TMTC2: variants seen among roughly 807,000 people sequenced by gnomAD.
The protein encoded by TMTC2 is transmembrane O-mannosyltransferase targeting cadherins 2.
Under a neutral mutation model 82.4 loss-of-function variants are expected in TMTC2, and 43 were observed. The ratio of observed to expected loss-of-function variants is 0.52; its 90% confidence interval spans 0.41 to 0.67. TMTC2 has a LOEUF of 0.67. TMTC2 is among the 30% of genes least tolerant of loss of function. The pLI, the probability that TMTC2 is intolerant of heterozygous loss-of-function variation, is 0.00. For synonymous variants in TMTC2, 408 were observed against 381.9 expected, an observed-to-expected ratio of 1.07 and a Z score of -0.80; for missense variants, 919 against 1,012.4, an observed-to-expected ratio of 0.91 and a Z score of 1.25.
intron 10 of TMTC2, among the ~76,000 whole-genome samples, chr12:83,051,923 TG>T (rs886371434): frequency 9.2e-5 from 14 of 152,150 alleles, no homozygotes; most frequent in African/African-American, 3.4e-4. Context: ...TAAAGGAGGA[TG>T]TTTTTAACTG....
chr12:82,869,964 T>C (rs1026933186), intron 2 of TMTC2, among the ~76,000 whole-genome samples: 1 of 152,174 alleles, frequency 6.6e-6, no homozygotes, highest in Admixed American at 6.5e-5. Flanking sequence ...CCCAACCAGG[T>C]TGAATGCTTT....
chr12:82,769,295 A>T (rs1321628761), intron 1 of TMTC2, among the ~76,000 whole-genome samples: 2 of 151,932 alleles, frequency 1.3e-5, no homozygotes, highest in East Asian at 3.9e-4. Context: ...CAACATAGTG[A>T]AACCCCTGTC....
intron 3 of TMTC2, among the ~76,000 whole-genome samples, chr12:82,925,022 C>T (rs1012542003): frequency 3.4e-4 from 52 of 152,248 alleles, no homozygotes; most frequent in Admixed American, 2.9e-3. Flanking sequence ...TTCCTGGAAA[C>T]ATCAAGTTCA....
intron 8 of TMTC2, among the ~76,000 whole-genome samples, chr12:83,026,645 A>C (rs1157742155): frequency 2.0e-5 from 3 of 151,726 alleles, no homozygotes; most frequent in African/African-American, 4.8e-5. Context: ...ATAATAGTCT[A>C]ATTATCTCAT....
intron 1 of TMTC2, among the ~76,000 whole-genome samples, chr12:82,709,541 C>T (rs537325459): frequency 6.6e-6 from 1 of 152,156 alleles, no homozygotes; most frequent in South Asian, 2.1e-4. Context: ...AAAAACAAAA[C>T]CCCAAAAACC....
Position 82,966,983 on chromosome 12 carries a change from T to G in TMTC2, c.1934T>G (p.Leu645Trp). Residue 645 changes from leucine (L) to tryptophan (W), a missense_variant, in exon 7 of 12, where the codon TTG becomes TGG. Physicochemically the swap from Leu to Trp is moderately conservative, Grantham distance 61. Transcript: ENST00000321196. ...KMPRQFAPQS[L>W]YNMMGEAYMR... ...CCAAGGCAGTTTGCCCCACAGAGCT[T>G]GTACAACATGATGGGTAAGTAAAAC... 2 of 1,613,002 alleles carry G rather than the reference T, an allele frequency of 1.2e-6. No homozygotes were observed. The highest frequency in any genetic ancestry group is 1.7e-6 in the Non-Finnish European group (2 of 1,179,216).
intron 1 of TMTC2, among the ~76,000 whole-genome samples, chr12:82,772,442 A>AT (rs1877359363): frequency 1.3e-5 from 2 of 152,170 alleles, no homozygotes; most frequent in African/African-American, 4.8e-5. Context: ...AATTAATTAA[A>AT]ATTTTTTTTT....
At chr12:82,925,517 GT>G (rs564128796) in intron 3 of TMTC2, among the ~76,000 whole-genome samples, 100 of 152,262 alleles carry the variant, frequency 6.6e-4, no homozygotes, top group African/African-American at 2.2e-3. Context: ...TATTGCATAT[GT>G]TTTTTTAACA....
chr12:82,849,979 T>G (rs1002457827), intron 1 of TMTC2, among the ~76,000 whole-genome samples: 8 of 152,080 alleles, frequency 5.3e-5, no homozygotes, highest in African/African-American at 4.8e-5. Flanking sequence ...CCATATTGAC[T>G]CCTGCTGCCC....
At chr12:82,763,504 G>A (rs536149561) in intron 1 of TMTC2, among the ~76,000 whole-genome samples, 126 of 152,132 alleles carry the variant, frequency 8.3e-4, no homozygotes, top group Non-Finnish European at 1.0e-3. Flanking sequence ...TTGAGAAAAT[G>A]TTTCATACCC....
At chr12:82,967,207 G>A (rs905071038) in intron 7 of TMTC2, among the ~76,000 whole-genome samples, 5 of 151,888 alleles carry the variant, frequency 3.3e-5, no homozygotes, top group African/African-American at 1.2e-4. Flanking sequence ...CCAACACCTT[G>A]GTCATATCCC....
chr12:82,860,422 C>A (rs78013493), intron 2 of TMTC2, among the ~76,000 whole-genome samples: 4,122 of 152,240 alleles, frequency 0.027, 181 homozygotes, highest in African/African-American at 0.093. Context: ...CTGGTGATAT[C>A]TTTACTACAC....
chr12:82,907,868 C>G (rs1316719341), intron 3 of TMTC2, among the ~76,000 whole-genome samples: 1 of 152,054 alleles, frequency 6.6e-6, no homozygotes, highest in Non-Finnish European at 1.5e-5. Context: ...AATCCCAGCA[C>G]TCTAGGAGGC....
chr12:82,974,945 A>AGAGT (rs1445022582), intron 7 of TMTC2, among the ~76,000 whole-genome samples: 1 of 152,072 alleles, frequency 6.6e-6, no homozygotes, highest in Non-Finnish European at 1.5e-5. Context: ...GGAGAGAGAG[A>AGAGT]GAGTGACCTT....
chr12:83,126,411 A>G (rs1045605855), intron 11 of TMTC2, among the ~76,000 whole-genome samples: 20 of 152,106 alleles, frequency 1.3e-4, no homozygotes, highest in African/African-American at 3.9e-4. Flanking sequence ...GAAATTTTTT[A>G]TGCCTAAAAT....
At chr12:83,048,773 A>G (rs956227583) in intron 9 of TMTC2, among the ~76,000 whole-genome samples, 2 of 152,164 alleles carry the variant, frequency 1.3e-5, no homozygotes, top group Non-Finnish European at 2.9e-5. Flanking sequence ...GGTTCAAGCA[A>G]TTCTCCTGCC....
At chr12:82,740,757 C>T (rs1048014205) in intron 1 of TMTC2, among the ~76,000 whole-genome samples, 3 of 152,204 alleles carry the variant, frequency 2.0e-5, no homozygotes, top group Non-Finnish European at 2.9e-5. Context: ...ACAATGGCTC[C>T]ATACCGGCTC....
At chr12:82,880,533 A>G (rs1508648) in intron 2 of TMTC2, among the ~76,000 whole-genome samples, 22,223 of 152,180 alleles carry the variant, frequency 0.15, 4,957 homozygotes, top group African/African-American at 0.48. Flanking sequence ...GTAAGAAGCC[A>G]GAGATTCCAG....
At chr12:82,984,470 ATGAT>A (rs1266400821) in intron 7 of TMTC2, among the ~76,000 whole-genome samples, 1 of 152,216 alleles carries the variant, frequency 6.6e-6, no homozygotes, top group Non-Finnish European at 1.5e-5. Context: ...CAAGTTGAAT[ATGAT>A]TAAAACAAAA....
Sources: gnomAD v4.1 joint callset for allele counts (sites outside exome capture counted in the v4.1 genomes callset) on GRCh38, gnomAD v4.1.1 for gene constraint, MANE v1.5 for transcripts, NCBI Gene and HGNC (gene_info 2026-07-23, HGNC 2026-07-21) for gene names.